Variants in TRDMT1 observed in about 807,000 individuals in gnomAD.
TRDMT1 encodes the protein tRNA (cytosine(38)-C(5))-methyltransferase.
Under a neutral mutation model 51.2 loss-of-function variants are expected in TRDMT1, and 49 were observed. The ratio of observed to expected loss-of-function variants is 0.96; its 90% CI spans 0.76 to 1.21. TRDMT1 has a LOEUF of 1.21. TRDMT1 is among the 50% of genes most tolerant of loss of function. The pLI is 0.00. For synonymous variants in TRDMT1, 187 were observed against 164.6 expected (o/e 1.14, Z -1.04); for missense variants, 534 against 462.3 (o/e 1.16, Z -1.42).
At position 17,140,231 on chromosome 10, in the gene TRDMT1, G is replaced by A. The variant is rs1037080251; in HGVS notation, c.*8809C>T. 1.3e-5 allele frequency among the ~76,000 whole-genome samples: 1 copy of A among 74,646 alleles called. No homozygotes were observed. The highest frequency in any genetic ancestry group is 2.8e-5 in the Non-Finnish European group (1 of 36,018). 49.0% of individuals were successfully genotyped at this position (74,646 alleles called of 152,430 possible). ...ATCCAGCTATTTTTTTTTTTTTTTTGTACCTTTAGTAGAGATAGGGTTTTA... is the reference window on the plus strand; with the variant it reads ...ATCCAGCTATTTTTTTTTTTTTTTTATACCTTTAGTAGAGATAGGGTTTTA... On this transcript the variant is annotated 3_prime_UTR_variant, in exon 11 of 11. Transcript: ENST00000377799.
At chr10:17,192,437 T>C (rs1564343969) in intron 1 of TRDMT1, among the ~76,000 whole-genome samples, 2 of 152,218 alleles carry the variant, frequency 1.3e-5, no homozygotes, top group East Asian at 1.9e-4. Flanking sequence ...ATTATGAACA[T>C]AGTTGGCTAA....
Position 17,148,378 on chromosome 10 carries a change from A to G in TRDMT1, c.*662T>C, listed in dbSNP as rs1838299054. 1 of 985,324 alleles carries G rather than the reference A, an allele frequency of 1.0e-6. No homozygotes were observed. The highest frequency in any genetic ancestry group is 1.2e-6 in the Non-Finnish European group (1 of 829,942). The allele number at this position is 985,324 out of a possible 1,614,324, so 61.0% of individuals were successfully genotyped here. A position where few individuals can be genotyped will look rare whatever the true frequency, so the allele number is the denominator to read the frequency against. On this transcript the variant is annotated 3_prime_UTR_variant, in exon 11 of 11. Coordinates refer to ENST00000377799, the MANE Select transcript of TRDMT1 (RefSeq NM_004412.7). The stretch of plus-strand genomic sequence containing the variant: ...ACTAAAGGAAAGTACATACAAAATG[A>G]AGAAGGAAAAATGAGTTTTGTCCTT...
Position 17,171,111 on chromosome 10 carries a change from A to ATGTGTGTGTGTGTGTG in TRDMT1, c.175-2210_175-2195dup, listed in dbSNP as rs66891484. ...CCATTTGGTATGTTACTGGATTTAG[A>ATGTGTGTGTGTGTGTG]TGTGTGTGTGTGTGTGTGTGTGTGT... On this transcript the variant is annotated intron_variant, in intron 2 of 10. Coordinates refer to ENST00000377799, the MANE Select transcript of TRDMT1 (RefSeq NM_004412.7). Among the ~76,000 whole-genome samples, 185 of 142,930 alleles carry ATGTGTGTGTGTGTGTG rather than the reference A, an allele frequency of 1.3e-3. 2 individuals carry two copies. The highest frequency in any genetic ancestry group is 1.8e-3 in the Non-Finnish European group (118 of 65,498). The allele number at this position is 142,930 out of a possible 152,430, so 93.8% of individuals were successfully genotyped here.
chr10:17,151,868 A>G, intron 10 of TRDMT1: 1 of 1,040,434 alleles, frequency 9.6e-7, no homozygotes, highest in Non-Finnish European at 1.2e-6. Context: ...AGGAGTTATG[A>G]TCATCCTCAT....
At chr10:17,162,504 C>T (rs1316044900) in intron 3 of TRDMT1, among the ~76,000 whole-genome samples, 3 of 152,082 alleles carry the variant, frequency 2.0e-5, no homozygotes, top group East Asian at 1.9e-4. Flanking sequence ...GCCAGGAGTT[C>T]GGGACCAGCC....
intron 8 of TRDMT1, among the ~76,000 whole-genome samples, chr10:17,155,947 A>C (rs2131397112): frequency 6.6e-6 from 1 of 152,332 alleles, no homozygotes; most frequent in East Asian, 1.9e-4. Flanking sequence ...GTCTTATTTT[A>C]TGAGAGTCCT....
At chr10:17,182,257 G>A (rs58726355) in intron 1 of TRDMT1, among the ~76,000 whole-genome samples, 3,734 of 152,248 alleles carry the variant, frequency 0.025, 138 homozygotes, top group African/African-American at 0.083. Context: ...TGAGATACAT[G>A]GAGAAAAAAA....
rs1424561968 is a variant in TRDMT1 at position 17,143,775 on chromosome 10, A to G, written c.*5265T>C. 1.0e-6 allele frequency: 1 copy of G among 985,288 alleles called. No individual in the cohort carries two copies. The highest frequency in any genetic ancestry group is 1.2e-6 in the Non-Finnish European group (1 of 829,922). 61.0% of individuals were successfully genotyped at this position (985,288 alleles called of 1,614,324 possible). ...ACAGAAGCTGACCAATGGAATGCAG[A>G]GTGAGAAGGAAGGTGAAGATGATCT... On this transcript the variant is annotated 3_prime_UTR_variant, in exon 11 of 11. Transcript: ENST00000377799.
chr10:17,176,097 CAAAAG>C (rs1419205510), intron 1 of TRDMT1, among the ~76,000 whole-genome samples: 1 of 152,028 alleles, frequency 6.6e-6, no homozygotes. Flanking sequence ...GGCTTCTAAA[CAAAAG>C]AAAATATTAA....
intron 3 of TRDMT1, among the ~76,000 whole-genome samples, chr10:17,165,795 G>T (rs1482334200): frequency 6.6e-6 from 1 of 152,222 alleles, no homozygotes; most frequent in Non-Finnish European, 1.5e-5. Flanking sequence ...GGCCATCAGA[G>T]AAATGCAAAT....
chr10:17,187,502 G>C (rs1486791117), intron 1 of TRDMT1, among the ~76,000 whole-genome samples: 6 of 152,054 alleles, frequency 3.9e-5, no homozygotes, highest in African/African-American at 1.2e-4. Context: ...ACAAATATTT[G>C]TTGAGCATCC....
At chr10:17,198,586 C>G (rs992995246) in intron 1 of TRDMT1, among the ~76,000 whole-genome samples, 1 of 152,032 alleles carries the variant, frequency 6.6e-6, no homozygotes, top group East Asian at 1.9e-4. Flanking sequence ...ATGTGTGGTA[C>G]GCAGAGTAGA....
rs1000073296 is a variant in TRDMT1 at position 17,169,005 on chromosome 10, A to G, written c.175-88T>C. The G allele has an allele frequency of 1.0e-4, 90 of 857,526 alleles. 1 individual carries two copies. In the Middle Eastern group the frequency reaches 1.4e-3, roughly 13 times the overall value. 53.1% of individuals were successfully genotyped at this position (857,526 alleles called of 1,614,324 possible). On this transcript the variant is annotated intron_variant, in intron 2 of 10. Transcript: ENST00000377799. Reference sequence around the variant, plus strand: ...GAAAATACTAACTATAATTAAATATATCAGAAACTGAAACAGTTTATAATA... The same window carrying G: ...GAAAATACTAACTATAATTAAATATGTCAGAAACTGAAACAGTTTATAATA...
chr10:17,145,962 T>C lies in TRDMT1; in HGVS notation c.*3078A>G. The C allele has an allele frequency of 2.0e-6, 2 of 985,446 alleles. No individual in the cohort carries two copies. The highest frequency in any genetic ancestry group is 2.4e-6 in the Non-Finnish European group (2 of 829,952). The allele number at this position is 985,446 out of a possible 1,614,324, so 61.0% of individuals were successfully genotyped here. ...TTAATCACTCTAGACCTCAACTAGGTTGAGATGGGAGCAAAAACCCAGATG... is the reference window on the plus strand; with the variant it reads ...TTAATCACTCTAGACCTCAACTAGGCTGAGATGGGAGCAAAAACCCAGATG... On this transcript the variant is annotated 3_prime_UTR_variant, in exon 11 of 11. Coordinates refer to ENST00000377799, the MANE Select transcript of TRDMT1 (RefSeq NM_004412.7).
intron 1 of TRDMT1, among the ~76,000 whole-genome samples, chr10:17,189,846 C>T (rs1844452949): frequency 6.6e-6 from 1 of 152,078 alleles, no homozygotes; most frequent in African/African-American, 2.4e-5. Context: ...TCTATGGGGT[C>T]CTGTTTGTGC....
In TRDMT1 at chr10:17,140,671, TGAAA is replaced by T. The variant is rs961099157; in HGVS notation, c.*8365_*8368del. On this transcript the variant is annotated 3_prime_UTR_variant, in exon 11 of 11. Coordinates refer to ENST00000377799, the MANE Select transcript of TRDMT1 (RefSeq NM_004412.7). ...AGTAAAGACTTGAAACTGAGTGTTT[TGAAA>T]GAAAGAACATTTTAAATGATAAAAC... is the stretch of plus-strand genomic sequence containing the variant. Among the ~76,000 whole-genome samples the T allele has an allele frequency of 1.3e-5, 2 of 152,096 alleles. No homozygotes were observed. The highest frequency in any genetic ancestry group is 4.8e-5 in the African/African-American group (2 of 41,400).
rs1256346274 is a variant in TRDMT1 at position 17,152,102 on chromosome 10, G to GA, written c.1075+1404dup. The GA allele has an allele frequency of 1.2e-5, 15 of 1,286,650 alleles. No homozygotes were observed. In the South Asian group the frequency reaches 1.5e-4, roughly 13 times the overall value. 79.7% of individuals were successfully genotyped at this position (1,286,650 alleles called of 1,614,324 possible). A position where few individuals can be genotyped will look rare whatever the true frequency, so the allele number is the denominator to read the frequency against. Reference sequence around the variant, plus strand: ...CAAGAGTATGTCTGATTGCTCATCTGAAAAAAGGAAAAAAAAATAGTAGCT... The same window carrying GA: ...CAAGAGTATGTCTGATTGCTCATCTGAAAAAAAGGAAAAAAAAATAGTAGCT... On this transcript the variant is annotated intron_variant, in intron 10 of 10. Transcript: ENST00000377799.
chr10:17,199,235 G>C (rs1194188282), intron 1 of TRDMT1, among the ~76,000 whole-genome samples: 2 of 152,192 alleles, frequency 1.3e-5, no homozygotes, highest in African/African-American at 4.8e-5. Context: ...ATGATTAAGA[G>C]TCTATATCCC....
At position 17,151,837 on chromosome 10, in the gene TRDMT1, A is replaced by G. The variant is rs952664603; in HGVS notation, c.1075+1670T>C. The G allele has an allele frequency of 3.5e-5, 32 of 911,376 alleles. No individual in the cohort carries two copies. In the African/African-American group the frequency reaches 5.7e-4, roughly 16 times the overall value. 56.5% of individuals were successfully genotyped at this position (911,376 alleles called of 1,614,324 possible). ...TTCATAAACATTGACTCATTTAACT[A>G]TCACAATAACTCTATGAAGCAGGAG... is the stretch of plus-strand genomic sequence containing the variant. On this transcript the variant is annotated intron_variant, in intron 10 of 10. Coordinates refer to ENST00000377799, the MANE Select transcript of TRDMT1 (RefSeq NM_004412.7).
Sources: gnomAD v4.1 joint callset for allele counts (sites outside exome capture counted in the v4.1 genomes callset) on GRCh38, gnomAD v4.1.1 for gene constraint, MANE v1.5 for transcripts, NCBI Gene and HGNC (gene_info 2026-07-23, HGNC 2026-07-21) for gene names.